Variants in GYPB observed in about 807,000 individuals in gnomAD.
GYPB encodes the protein glycophorin B (MNS blood group).
In GYPB, 13 loss-of-function variants were observed where a neutral mutation model predicts 15.3. The ratio of observed to expected loss-of-function variants is 0.85; its 90% CI spans 0.55 to 1.35. GYPB has a LOEUF of 1.35. GYPB is among the 40% of genes most tolerant of loss of function. The pLI is 0.00. For missense variants in GYPB, 131 were observed against 108.3 expected (o/e 1.21, Z -0.93); for synonymous variants, 38 against 36.9 (o/e 1.03, Z -0.11).
At position 143,999,168 on chromosome 4, in the gene GYPB, A is replaced by C. The variant is rs1263373534; in HGVS notation, c.175+243T>G. The C allele has an allele frequency of 1.1e-5, 4 of 354,120 alleles. 1 individual carries two copies. The highest frequency in any genetic ancestry group is 9.1e-5 in the African/African-American group (4 of 44,156). 21.9% of individuals were successfully genotyped at this position (354,120 alleles called of 1,614,324 possible). On this transcript the variant is annotated intron_variant, in intron 3 of 4. Transcript: ENST00000502664. ...AGTGATTAGCCAGGCTTGGCCTCCC[A>C]AAATTATAGGGATTATAGGCATGAG... is the stretch of plus-strand genomic sequence containing the variant.
rs191336989 is a variant in GYPB, at chr4:144,018,044, A to G, written c.37+1207T>C. ...TACTAATTATTTTAATATTACTTATATTATTAATACTTATTAATCATGATA... is the reference window on the plus strand; with the variant it reads ...TACTAATTATTTTAATATTACTTATGTTATTAATACTTATTAATCATGATA... On this transcript the variant is annotated intron_variant, in intron 1 of 4. Coordinates refer to ENST00000502664, the MANE Select transcript of GYPB (RefSeq NM_002100.6). 1.0e-3 allele frequency among the ~76,000 whole-genome samples: 157 copies of G among 151,426 alleles called. 6 individuals are homozygous for G. The highest frequency in any genetic ancestry group is 3.6e-3 in the African/African-American group (148 of 40,830).
At position 144,019,344 on chromosome 4, in the gene GYPB, G is replaced by C; in HGVS notation, c.-57C>G. ...TGCAAAAAAACTACCAAAGACAACT[G>C]CAAGTGTCAGTGTCTGGCCTTAGCC... On this transcript the variant is annotated 5_prime_UTR_variant, in exon 1 of 5. Transcript: ENST00000502664. 6.2e-7 allele frequency: 1 copy of C among 1,611,350 alleles called. No individual in the cohort carries two copies.
chr4:144,006,566 A>C (rs1466396779), intron 1 of GYPB, among the ~76,000 whole-genome samples: 1 of 151,994 alleles, frequency 6.6e-6, no homozygotes, highest in African/African-American at 2.4e-5. Flanking sequence ...AGTACCCTTC[A>C]GTTTTGCTGT....
At chr4:144,010,886 G>A (rs1728181494) in intron 1 of GYPB, among the ~76,000 whole-genome samples, 1 of 151,366 alleles carries the variant, frequency 6.6e-6, no homozygotes, top group Admixed American at 6.6e-5. Flanking sequence ...TTACAAGTAG[G>A]CTGTATACTT....
At chr4:144,014,784 G>T (rs1298663368) in intron 1 of GYPB, among the ~76,000 whole-genome samples, 1 of 151,466 alleles carries the variant, frequency 6.6e-6, no homozygotes. Flanking sequence ...TTTATATTAC[G>T]TGTATTTTAC....
intron 1 of GYPB, among the ~76,000 whole-genome samples, chr4:144,011,359 G>A (rs746582907): frequency 2.0e-5 from 3 of 151,316 alleles, no homozygotes; most frequent in Admixed American, 6.6e-5. Flanking sequence ...CAGCCTGGGC[G>A]ACAGAACGAG....
chr4:143,995,988 A>G (rs540072867), downstream of GYPB: 1 of 402,960 alleles, frequency 2.5e-6, no homozygotes, highest in Non-Finnish European at 4.2e-6. Context: ...CCCCTTCTGC[A>G]TGTTCTCCGC....
intron 1 of GYPB, chr4:144,008,256 A>C (rs1728029500): frequency 2.5e-6 from 1 of 399,174 alleles, no homozygotes; most frequent in Non-Finnish European, 5.0e-6. Context: ...TATGTAGCAG[A>C]AAGAGAATGA....
chr4:144,018,150 T>C (rs1728602068), intron 1 of GYPB, among the ~76,000 whole-genome samples: 2 of 151,476 alleles, frequency 1.3e-5, no homozygotes, highest in African/African-American at 4.9e-5. Flanking sequence ...TTCCATTAAA[T>C]ATTTTGTTTA....
intron 3 of GYPB, 25 bp downstream of exon 3, chr4:143,999,386 T>G: frequency 2.2e-6 from 3 of 1,372,396 alleles, no homozygotes; most frequent in Middle Eastern, 3.6e-4. Flanking sequence ...GAATGACTTT[T>G]ATTCTTTGTC....
chr4:144,019,009 T>C (rs1318707079), intron 1 of GYPB, among the ~76,000 whole-genome samples: 1 of 151,350 alleles, frequency 6.6e-6, no homozygotes, highest in Non-Finnish European at 1.5e-5. Context: ...CTAGCTAGAC[T>C]TAGAATTGAA....
At chr4:143,997,350 C>G (rs1003606970) in intron 4 of GYPB, 190 bp downstream of exon 4, 1 of 480,930 alleles carries the variant, frequency 2.1e-6, no homozygotes, top group Non-Finnish European at 3.8e-6. Context: ...TTAGAGGTTC[C>G]CTTTAATTGG....
intron 1 of GYPB, chr4:144,012,852 CTT>C (rs1728286197): frequency 6.6e-6 from 1 of 151,408 alleles, no homozygotes; most frequent in African/African-American, 2.5e-5. Context: ...ATACAAAACT[CTT>C]AGAAGAAAAC....
intron 1 of GYPB, among the ~76,000 whole-genome samples, chr4:144,015,759 T>C (rs1202686614): frequency 4.0e-5 from 6 of 151,304 alleles, no homozygotes; most frequent in Non-Finnish European, 5.9e-5. Flanking sequence ...TAAATATATT[T>C]ACAGGTTTGG....
intron 1 of GYPB, among the ~76,000 whole-genome samples, chr4:144,011,415 G>A (rs1728214915): frequency 6.6e-6 from 1 of 150,908 alleles, no homozygotes; most frequent in African/African-American, 2.5e-5. Context: ...AAACCAAACA[G>A]GAATAACCAT....
chr4:144,006,628 G>C (rs1165382881), intron 1 of GYPB, among the ~76,000 whole-genome samples: 2 of 152,022 alleles, frequency 1.3e-5, no homozygotes, highest in African/African-American at 2.4e-5. Flanking sequence ...TAAGCTGCTG[G>C]TTTGAGTTTT....
At chr4:144,013,097 G>A (rs550167680) in intron 1 of GYPB, among the ~76,000 whole-genome samples, 3 of 151,676 alleles carry the variant, frequency 2.0e-5, no homozygotes, top group Admixed American at 2.0e-4. Context: ...TTACAACTTA[G>A]CAACAGAAAG....
intron 3 of GYPB, among the ~76,000 whole-genome samples, chr4:143,998,396 CT>C (rs1727435447): frequency 2.0e-5 from 3 of 151,296 alleles, no homozygotes; most frequent in Non-Finnish European, 4.4e-5. Flanking sequence ...ATTTATTTGC[CT>C]AATTAATATT....
downstream of GYPB, among the ~76,000 whole-genome samples, chr4:143,995,326 T>C (rs1727271288): frequency 6.6e-6 from 1 of 151,418 alleles, no homozygotes; most frequent in Non-Finnish European, 1.5e-5. Flanking sequence ...TGTGACAATC[T>C]CTTACTGCTC....
Sources: allele counts gnomAD v4.1 joint callset (sites outside exome capture counted in the v4.1 genomes callset), GRCh38; gene constraint gnomAD v4.1.1; transcripts MANE v1.5; gene names NCBI Gene and HGNC (gene_info 2026-07-23, HGNC 2026-07-21).